The following PAPPA variants were observed in gnomAD, a reference collection of about 807,000 sequenced individuals.
PAPPA encodes pappalysin 1, also known as pappalysin-1.
PAPPA carries 60 observed loss-of-function variants against 164.0 expected under a neutral mutation model. The observed-to-expected ratio is 0.37, with a 90% confidence interval of 0.30 to 0.45. The LOEUF (loss-of-function observed/expected upper bound fraction) is 0.45. Ranked by LOEUF, PAPPA falls within the 20% of genes least tolerant of loss-of-function variation. The pLI is 1.00. For missense variants in PAPPA, 1,782 were observed against 2,087.3 expected, an observed-to-expected ratio of 0.85 and a Z score of 2.85; for synonymous variants, 875 against 814.1, an observed-to-expected ratio of 1.07 and a Z score of -1.27.
intron 7 of PAPPA, among the ~76,000 whole-genome samples, chr9:116,264,555 C>T (rs1486347026): frequency 6.6e-6 from 1 of 152,170 alleles, no homozygotes; most frequent in Non-Finnish European, 1.5e-5. Flanking sequence ...CTGTCCATTG[C>T]CCCTGCACCT....
chr9:116,233,147 C>G (rs1844618804), intron 6 of PAPPA, among the ~76,000 whole-genome samples: 1 of 152,216 alleles, frequency 6.6e-6, no homozygotes, highest in African/African-American at 2.4e-5. Flanking sequence ...TATTTAGCAT[C>G]TGCTATGTGA....
chr9:116,154,187 T>C lies in PAPPA; in HGVS notation c.15T>C (p.Ser5=). 1 of 1,483,368 alleles carries C rather than the reference T, an allele frequency of 6.7e-7. No homozygotes were observed. Among genetic ancestry groups the C allele is most frequent in the Non-Finnish European group, 8.9e-7 (1 of 1,117,394 alleles). 91.9% of individuals were successfully genotyped at this position (1,483,368 alleles called of 1,614,324 possible). Residue 5 remains serine (S), a synonymous_variant, in exon 1 of 22, where the codon AGT becomes AGC. Transcript: ENST00000328252. The surrounding 1 kb of genome is among the most constrained non-coding windows in gnomAD (Gnocchi z 5.2). MRLW[S]WVLHLGLLSA... The stretch of plus-strand genomic sequence containing the variant: ...AACCGTCGGACATGCGGCTCTGGAG[T>C]TGGGTGCTGCACCTGGGGCTGCTGA...
intron 2 of PAPPA, among the ~76,000 whole-genome samples, chr9:116,190,682 G>A (rs1844030590): frequency 6.6e-6 from 1 of 152,256 alleles, no homozygotes; most frequent in Non-Finnish European, 1.5e-5. Flanking sequence ...CACCATGCTG[G>A]TGTGGAGGGG....
chr9:116,385,048 A>G (rs999440388), intron 21 of PAPPA, among the ~76,000 whole-genome samples: 1 of 151,964 alleles, frequency 6.6e-6, no homozygotes, highest in Non-Finnish European at 1.5e-5. Context: ...AGCCTCGCCA[A>G]GATGGTGAAA....
At position 116,188,049 on chromosome 9, in the gene PAPPA, C is replaced by T. The variant is rs56341056; in HGVS notation, c.1311C>T (p.Gly437=). ...ECNHTLTGHD[G]GDCRHLRHPA... is the part of the protein sequence containing the mutation. Reference sequence around the variant, plus strand: ...ACCACACGCTGACGGGCCACGACGGCGGGGATTGCCGCCACCTGCGCCACC... The same window carrying T: ...ACCACACGCTGACGGGCCACGACGGTGGGGATTGCCGCCACCTGCGCCACC... The change falls in exon 2 of 22, where the codon GGC becomes GGT. Residue 437 remains glycine (G), a synonymous_variant. Coordinates refer to ENST00000328252, the MANE Select transcript of PAPPA (RefSeq NM_002581.5). 4.8e-4 allele frequency: 780 copies of T among 1,614,020 alleles called. No homozygotes were observed. The highest frequency in any genetic ancestry group is 6.3e-4 in the Non-Finnish European group (748 of 1,180,050).
chr9:116,225,357 A>AAT (rs1844493617), intron 5 of PAPPA, among the ~76,000 whole-genome samples: 1 of 152,226 alleles, frequency 6.6e-6, no homozygotes, highest in African/African-American at 2.4e-5. Context: ...CTACTCCAAG[A>AAT]GTAACTCATG....
chr9:116,242,565 A>G (rs1844748671), intron 7 of PAPPA, among the ~76,000 whole-genome samples: 1 of 152,188 alleles, frequency 6.6e-6, no homozygotes, highest in African/African-American at 2.4e-5. Context: ...ATTTAGCCAT[A>G]CCCTTAATGG....
chr9:116,215,637 C>T (rs1469254711), intron 4 of PAPPA, among the ~76,000 whole-genome samples: 3 of 152,170 alleles, frequency 2.0e-5, no homozygotes, highest in East Asian at 1.9e-4. Flanking sequence ...AAATTGCTAA[C>T]GGGTACTGGC....
At chr9:116,256,175 AT>A (rs1844925408) in intron 7 of PAPPA, among the ~76,000 whole-genome samples, 1 of 152,036 alleles carries the variant, frequency 6.6e-6, no homozygotes, top group African/African-American at 2.4e-5. Context: ...TAAACAAGGC[AT>A]CAAAATAAGG....
chr9:116,237,867 G>A (rs559722963), intron 7 of PAPPA, among the ~76,000 whole-genome samples: 1 of 151,956 alleles, frequency 6.6e-6, no homozygotes, highest in Admixed American at 6.5e-5. Context: ...TTACAGGCAC[G>A]CACCACCACG....
intron 21 of PAPPA, among the ~76,000 whole-genome samples, chr9:116,383,548 T>A (rs1423415456): frequency 6.6e-6 from 1 of 152,140 alleles, no homozygotes; most frequent in Non-Finnish European, 1.5e-5. Flanking sequence ...AAGAGTGAGG[T>A]TCCTGGATTC....
chr9:116,309,623 G>A (rs961882112), intron 10 of PAPPA, among the ~76,000 whole-genome samples: 1 of 152,110 alleles, frequency 6.6e-6, no homozygotes, highest in African/African-American at 2.4e-5. Context: ...TAAGCTGGAG[G>A]ACAGGAGAGG....
chr9:116,337,229 C>A (rs1227935217), intron 13 of PAPPA, among the ~76,000 whole-genome samples: 11 of 152,168 alleles, frequency 7.2e-5, no homozygotes, highest in Non-Finnish European at 1.6e-4. Context: ...TCTTTGGCTG[C>A]CTTATCCCTG....
chr9:116,390,501 T>TG (rs1383814763), intron 21 of PAPPA, among the ~76,000 whole-genome samples: 14 of 152,078 alleles, frequency 9.2e-5, no homozygotes, highest in Non-Finnish European at 1.8e-4. Flanking sequence ...CAGAGGCCAG[T>TG]GGGGGGTATT....
At chr9:116,296,879 G>A (rs1845516022) in intron 9 of PAPPA, among the ~76,000 whole-genome samples, 1 of 151,666 alleles carries the variant, frequency 6.6e-6, no homozygotes, top group Admixed American at 6.6e-5. Context: ...TTTTGAGACA[G>A]AGTCTTGCTC....
At chr9:116,353,919 C>A in intron 17 of PAPPA, 126 bp downstream of exon 17, 1 of 628,684 alleles carries the variant, frequency 1.6e-6, no homozygotes, top group Non-Finnish European at 2.6e-6. Flanking sequence ...TTCCTACCCG[C>A]AATACTGTTT....
intron 7 of PAPPA, 104 bp downstream of exon 7, chr9:116,235,741 A>T: frequency 9.3e-7 from 1 of 1,078,230 alleles, no homozygotes; most frequent in Non-Finnish European, 1.4e-6. Context: ...ATCACAGTCA[A>T]GACTCACTCT....
intron 21 of PAPPA, among the ~76,000 whole-genome samples, chr9:116,393,570 G>A (rs1018893028): frequency 6.6e-6 from 1 of 152,126 alleles, no homozygotes; most frequent in Non-Finnish European, 1.5e-5. Context: ...GCTGTGATAT[G>A]GTATGAAGGT....
At chr9:116,257,679 G>A (rs1421973421) in intron 7 of PAPPA, among the ~76,000 whole-genome samples, 1 of 152,012 alleles carries the variant, frequency 6.6e-6, no homozygotes, top group African/African-American at 2.4e-5. Flanking sequence ...TCCAGCCTGG[G>A]CGACAGAGCG....
Sources: allele counts gnomAD v4.1 joint callset (sites outside exome capture counted in the v4.1 genomes callset), GRCh38; gene constraint gnomAD v4.1.1; non-coding constraint Gnocchi (gnomAD v3.1); transcripts MANE v1.5; gene names NCBI Gene and HGNC (gene_info 2026-07-23, HGNC 2026-07-21).